Variants in PIEZO2 observed in about 807,000 individuals in gnomAD.
PIEZO2 encodes the protein piezo-type mechanosensitive ion channel component 2.
PIEZO2 carries 172 observed loss-of-function variants against 337.3 expected under a neutral mutation model. The observed-to-expected ratio is 0.51, with a 90% CI of 0.45 to 0.58. PIEZO2 has a LOEUF of 0.58. Ranked by LOEUF, PIEZO2 falls within the 20% of genes least tolerant of loss-of-function variation. The pLI is 0.00. For synonymous variants in PIEZO2, 1,251 were observed against 1,228.5 expected, an observed-to-expected ratio of 1.02 and a Z score of -0.38; for missense variants, 3,028 against 3,391.3, an observed-to-expected ratio of 0.89 and a Z score of 2.66.
intron 2 of PIEZO2, among the ~76,000 whole-genome samples, chr18:11,018,299 C>A (rs959718490): frequency 1.3e-5 from 2 of 148,160 alleles, no homozygotes; most frequent in African/African-American, 5.0e-5. Context: ...TACTCCTTTT[C>A]TTAACTTGAT....
chr18:10,852,251 T>TA (rs2041575102), intron 7 of PIEZO2, among the ~76,000 whole-genome samples: 15 of 152,202 alleles, frequency 9.9e-5, no homozygotes, highest in Non-Finnish European at 1.9e-4. Flanking sequence ...ACAAAATTCT[T>TA]TTCTTATTAG....
At chr18:11,136,734 GC>G (rs1323604348) in intron 1 of PIEZO2, among the ~76,000 whole-genome samples, 1 of 152,132 alleles carries the variant, frequency 6.6e-6, no homozygotes, top group East Asian at 1.9e-4. Context: ...TGCGTAGGGA[GC>G]CCCAGTGTGA....
At chr18:10,689,928 C>T (rs561523270) in intron 48 of PIEZO2, 126 bp from the exon 49 acceptor site, 1 of 1,131,704 alleles carries the variant, frequency 8.8e-7, no homozygotes, top group Non-Finnish European at 1.2e-6. Context: ...CTCTAGGTGA[C>T]CCTTCCAGTA....
chr18:11,047,366 G>T lies in PIEZO2; in HGVS notation c.160+18761C>A, dbSNP rs561634202. 6.6e-6 allele frequency among the ~76,000 whole-genome samples: 1 copy of T among 152,282 alleles called. No individual in the cohort carries two copies. Among genetic ancestry groups the T allele is most frequent in the African/African-American group, 2.4e-5 (1 of 41,552 alleles). On this transcript the variant is annotated intron_variant, in intron 2 of 55. Transcript: ENST00000674853. The surrounding 1 kb of genome is among the most constrained non-coding windows in gnomAD (Gnocchi z 7.2). ...GGGGAGCAAGGTTGGAATGGAGTAG[G>T]AGCGAGGGAGCCGCGCAGTGCAGCA...
chr18:11,073,495 G>A (rs776080821), intron 1 of PIEZO2, among the ~76,000 whole-genome samples: 2 of 152,118 alleles, frequency 1.3e-5, no homozygotes, highest in Non-Finnish European at 2.9e-5. Flanking sequence ...AAAGCCACCC[G>A]AGTCAGCTTG....
Position 10,755,123 on chromosome 18 carries a change from C to G in PIEZO2, c.3924-2244G>C, listed in dbSNP as rs368802535. ...GTTAGACATGATCTTCACCCTAAGGCAACACTTTAGAAGTGGGGATAAGAT... is the reference window on the plus strand; with the variant it reads ...GTTAGACATGATCTTCACCCTAAGGGAACACTTTAGAAGTGGGGATAAGAT... On this transcript the variant is annotated intron_variant, in intron 27 of 55. Coordinates refer to ENST00000674853, the MANE Select transcript of PIEZO2 (RefSeq NM_001378183.1). Among the ~76,000 whole-genome samples, 111 of 152,264 alleles carry G rather than the reference C, an allele frequency of 7.3e-4. No homozygotes were observed. The East Asian group carries it at 0.011, about 15-fold the overall frequency.
intron 9 of PIEZO2, among the ~76,000 whole-genome samples, chr18:10,803,328 T>C (rs1346307367): frequency 1.3e-5 from 2 of 152,214 alleles, no homozygotes; most frequent in South Asian, 2.1e-4. Context: ...TCCACAAATA[T>C]TGGAAAGTTT....
At chr18:10,790,774 C>G (rs941156712) in intron 14 of PIEZO2, among the ~76,000 whole-genome samples, 1 of 149,914 alleles carries the variant, frequency 6.7e-6, no homozygotes, top group Admixed American at 6.7e-5. Flanking sequence ...GGTGAGGTCT[C>G]GGTTCACTGC....
At chr18:11,034,536 G>C (rs1436823514) in intron 2 of PIEZO2, among the ~76,000 whole-genome samples, 1 of 152,108 alleles carries the variant, frequency 6.6e-6, no homozygotes, top group Admixed American at 6.5e-5. Flanking sequence ...CTCGTGATCT[G>C]CCCGCCTCGG....
chr18:10,792,993 C>T (rs1483709159), intron 13 of PIEZO2, among the ~76,000 whole-genome samples: 3 of 152,166 alleles, frequency 2.0e-5, no homozygotes, highest in African/African-American at 7.2e-5. Context: ...CTATGGCTCA[C>T]GCCTGTAATC....
intron 1 of PIEZO2, among the ~76,000 whole-genome samples, chr18:11,090,912 TAAAAAAAA>T (rs61020782): frequency 8.1e-6 from 1 of 123,690 alleles, no homozygotes; most frequent in African/African-American, 3.0e-5. Context: ...AGACTCCGTC[TAAAAAAAA>T]AAAAAAAAAA....
chr18:10,806,368 A>G (rs2040003405), intron 8 of PIEZO2, among the ~76,000 whole-genome samples: 1 of 152,184 alleles, frequency 6.6e-6, no homozygotes. Flanking sequence ...AGGGGAAAGA[A>G]AAGCAGGCTG....
Position 10,863,884 on chromosome 18 carries a change from A to ACACACACACACACACACACACACACACC in PIEZO2, c.493-6674_493-6673insGGTGTGTGTGTGTGTGTGTGTGTGTGTG, listed in dbSNP as rs1441752436. Reference sequence around the variant, plus strand: ...CAAATCAGCAGTCACACACACACACACCTATATCATCCACTCAGTTCACAT... The same window carrying ACACACACACACACACACACACACACACC: ...CAAATCAGCAGTCACACACACACACACACACACACACACACACACACACACACCCCTATATCATCCACTCAGTTCACAT... On this transcript the variant is annotated intron_variant, in intron 5 of 55. Coordinates refer to ENST00000674853, the MANE Select transcript of PIEZO2 (RefSeq NM_001378183.1). The surrounding 1 kb of genome is among the most constrained non-coding windows in gnomAD (Gnocchi z 4.3). Among the ~76,000 whole-genome samples, 2 of 151,888 alleles carry ACACACACACACACACACACACACACACC rather than the reference A, an allele frequency of 1.3e-5. No individual in the cohort carries two copies. Among genetic ancestry groups the ACACACACACACACACACACACACACACC allele is most frequent in the African/African-American group, 4.8e-5 (2 of 41,326 alleles).
rs1443729661 is a variant in PIEZO2, at chr18:10,750,804, A to T, written c.4168-617T>A. On this transcript the variant is annotated intron_variant, in intron 28 of 55. Transcript: ENST00000674853. The surrounding 1 kb of genome is among the most constrained non-coding windows in gnomAD (Gnocchi z 4.1). ...CATTGCAAGCAAATACATAAATGTG[A>T]CAGATACATTGTGTGCATTTCCTGG... Among the ~76,000 whole-genome samples the T allele has an allele frequency of 6.6e-6, 1 of 152,246 alleles. No individual in the cohort carries two copies. Among genetic ancestry groups the T allele is most frequent in the African/African-American group, 2.4e-5 (1 of 41,466 alleles).
At chr18:10,762,670 T>C in intron 22 of PIEZO2, 45 bp from the exon 23 acceptor site, 6 of 1,525,858 alleles carry the variant, frequency 3.9e-6, no homozygotes, top group Non-Finnish European at 5.3e-6. Flanking sequence ...GCTCCACAGA[T>C]TAGGAGAGCT....
chr18:10,934,636 C>CGTGTGTACGT (rs2032277601), intron 3 of PIEZO2, among the ~76,000 whole-genome samples: 1 of 130,738 alleles, frequency 7.6e-6, no homozygotes, highest in Non-Finnish European at 1.6e-5. Context: ...ATTGTGTGTA[C>CGTGTGTACGT]GTGTGTGTGT....
At chr18:10,718,878 C>T (rs1476373848) in intron 36 of PIEZO2, among the ~76,000 whole-genome samples, 2 of 151,718 alleles carry the variant, frequency 1.3e-5, no homozygotes, top group African/African-American at 4.8e-5. Flanking sequence ...ACCTGTAGTC[C>T]CAGCTATTTG....
chr18:10,880,013 G>A (rs554246165), intron 4 of PIEZO2, among the ~76,000 whole-genome samples: 5 of 152,284 alleles, frequency 3.3e-5, no homozygotes, highest in Admixed American at 2.0e-4. Flanking sequence ...CTATTTCAGC[G>A]CAGGGGAGAG....
At position 11,146,147 on chromosome 18, in the gene PIEZO2, T is replaced by C. The variant is rs1206528885; in HGVS notation, c.64+2378A>G. 6.6e-6 allele frequency among the ~76,000 whole-genome samples: 1 copy of C among 151,234 alleles called. No individual in the cohort carries two copies. The highest frequency in any genetic ancestry group is 2.4e-5 in the African/African-American group (1 of 41,076). On this transcript the variant is annotated intron_variant, in intron 1 of 55. Transcript: ENST00000674853. This position sits in a 1 kb window ranked among gnomAD's most constrained non-coding sequence, Gnocchi z 6.1. ...CCCTGAACCCAGAGAGGTGTGGGAGTCCTGAAGAATGAGCTGGATAAAGAA... is the reference window on the plus strand; with the variant it reads ...CCCTGAACCCAGAGAGGTGTGGGAGCCCTGAAGAATGAGCTGGATAAAGAA...
Sources: allele counts gnomAD v4.1 joint callset (sites outside exome capture counted in the v4.1 genomes callset), GRCh38; gene constraint gnomAD v4.1.1; non-coding constraint Gnocchi (gnomAD v3.1); transcripts MANE v1.5; gene names NCBI Gene and HGNC (gene_info 2026-07-23, HGNC 2026-07-21).